The following CAMKMT variants were observed in gnomAD, a reference collection of about 807,000 sequenced individuals.
CAMKMT encodes CaM KMT.
Under a neutral mutation model 48.0 loss-of-function variants are expected in CAMKMT, and 53 were observed. The ratio of observed to expected loss-of-function variants is 1.10; its 90% CI spans 0.89 to 1.39. The LOEUF (loss-of-function observed/expected upper bound fraction) is 1.39. Among genes scored for constraint, CAMKMT ranks in the 40% most tolerant of loss-of-function variants. The pLI is 0.00. For missense variants in CAMKMT, 428 were observed against 402.7 expected (o/e 1.06, Z -0.54); for synonymous variants, 165 against 152.3 (o/e 1.08, Z -0.61).
chr2:44,390,021 A>T (rs1296689351), intron 2 of CAMKMT, among the ~76,000 whole-genome samples: 3 of 152,220 alleles, frequency 2.0e-5, no homozygotes, highest in African/African-American at 7.2e-5. Flanking sequence ...TAAGATGTAG[A>T]TTAATCATTT....
At chr2:44,581,914 G>T (rs372702989) in intron 3 of CAMKMT, among the ~76,000 whole-genome samples, 1 of 152,210 alleles carries the variant, frequency 6.6e-6, no homozygotes, top group Non-Finnish European at 1.5e-5. Flanking sequence ...CAGATGAATC[G>T]CTTGAACCAT....
intron 3 of CAMKMT, among the ~76,000 whole-genome samples, chr2:44,516,457 T>C (rs1212150951): frequency 1.3e-5 from 2 of 152,174 alleles, no homozygotes; most frequent in Admixed American, 1.3e-4. Flanking sequence ...TGAATATAAC[T>C]AAGGGAAGCT....
intron 7 of CAMKMT, among the ~76,000 whole-genome samples, chr2:44,736,524 T>C (rs1483425999): frequency 1.3e-5 from 2 of 152,194 alleles, no homozygotes; most frequent in Non-Finnish European, 2.9e-5. Context: ...TGTTTGGGCT[T>C]GTTGAAATTT....
At chr2:44,693,238 A>G (rs1451838624) in intron 3 of CAMKMT, among the ~76,000 whole-genome samples, 3 of 152,184 alleles carry the variant, frequency 2.0e-5, no homozygotes, top group African/African-American at 7.2e-5. Context: ...TCTAAACAGT[A>G]TTATAAATCT....
At chr2:44,386,809 T>C (rs1680822322) in intron 2 of CAMKMT, among the ~76,000 whole-genome samples, 1 of 152,164 alleles carries the variant, frequency 6.6e-6, no homozygotes, top group Non-Finnish European at 1.5e-5. Context: ...TTAATTTTCA[T>C]ATATTTGCAT....
At chr2:44,453,382 T>A (rs1370518809) in intron 3 of CAMKMT, among the ~76,000 whole-genome samples, 1 of 152,070 alleles carries the variant, frequency 6.6e-6, no homozygotes, top group Non-Finnish European at 1.5e-5. Flanking sequence ...ACCATCTCAT[T>A]TAAAATTAGC....
chr2:44,687,786 T>G (rs983268547), intron 3 of CAMKMT, among the ~76,000 whole-genome samples: 3 of 152,246 alleles, frequency 2.0e-5, no homozygotes, highest in African/African-American at 7.2e-5. Flanking sequence ...ATTGATGGGT[T>G]TTGCTGCTCT....
chr2:44,736,038 C>A (rs1679341484), intron 7 of CAMKMT, among the ~76,000 whole-genome samples: 1 of 152,168 alleles, frequency 6.6e-6, no homozygotes, highest in South Asian at 2.1e-4. Context: ...ACAATACTTG[C>A]TTGTTTAACC....
At chr2:44,666,257 A>G (rs1674960323) in intron 3 of CAMKMT, among the ~76,000 whole-genome samples, 1 of 152,258 alleles carries the variant, frequency 6.6e-6, no homozygotes, top group South Asian at 2.1e-4. Context: ...AATTTCAGAC[A>G]GTTTCATCAA....
chr2:44,656,312 C>T (rs1674374330), intron 3 of CAMKMT, among the ~76,000 whole-genome samples: 2 of 151,772 alleles, frequency 1.3e-5, no homozygotes, highest in African/African-American at 4.8e-5. Context: ...TAAGACAGTA[C>T]ATTTAAATCC....
chr2:44,414,803 A>G (rs532532725), intron 3 of CAMKMT, among the ~76,000 whole-genome samples: 1 of 152,336 alleles, frequency 6.6e-6, no homozygotes, highest in South Asian at 2.1e-4. Flanking sequence ...AAGTCTCCAA[A>G]GCTACACTTG....
At chr2:44,438,966 G>T (rs543982768) in intron 3 of CAMKMT, among the ~76,000 whole-genome samples, 3 of 152,142 alleles carry the variant, frequency 2.0e-5, no homozygotes, top group African/African-American at 7.2e-5. Context: ...TTTGGTAACC[G>T]CATAGTGTCC....
intron 3 of CAMKMT, among the ~76,000 whole-genome samples, chr2:44,484,459 A>G (rs1259330210): frequency 6.6e-6 from 1 of 152,080 alleles, no homozygotes; most frequent in East Asian, 1.9e-4. Flanking sequence ...CATAGGTAGC[A>G]CTGCAAAACA....
intron 3 of CAMKMT, among the ~76,000 whole-genome samples, chr2:44,648,887 C>T (rs766248730): frequency 3.3e-5 from 5 of 152,192 alleles, no homozygotes; most frequent in African/African-American, 4.8e-5. Context: ...GTGAACACAG[C>T]TTCCAGACAA....
At chr2:44,607,077 C>G (rs143865737) in intron 3 of CAMKMT, among the ~76,000 whole-genome samples, 3 of 152,300 alleles carry the variant, frequency 2.0e-5, no homozygotes, top group Non-Finnish European at 4.4e-5. Flanking sequence ...GTAGCAGTTC[C>G]TTTATGATCA....
intron 7 of CAMKMT, among the ~76,000 whole-genome samples, chr2:44,733,430 A>G (rs144625370): frequency 1.3e-5 from 2 of 152,230 alleles, no homozygotes; most frequent in East Asian, 3.9e-4. Flanking sequence ...CTAGAAGCTT[A>G]TTTTTGTATA....
rs567550967 is a variant in CAMKMT, at chr2:44,416,924, C to T, written c.376+26619C>T. On this transcript the variant is annotated intron_variant, in intron 3 of 10. Transcript: ENST00000378494. ...CATATTGTGGTGTGTATCTGTTGTT[C>T]GTTTCTTTATTTTTTTCACTTTTTT... is the stretch of plus-strand genomic sequence containing the variant. Among the ~76,000 whole-genome samples, 68 of 151,662 alleles carry T rather than the reference C, an allele frequency of 4.5e-4. 1 individual carries two copies. Among genetic ancestry groups the T allele is most frequent in the Non-Finnish European group, 1.3e-4 (9 of 67,928 alleles).
chr2:44,582,503 C>T (rs1669620825), intron 3 of CAMKMT, among the ~76,000 whole-genome samples: 1 of 152,148 alleles, frequency 6.6e-6, no homozygotes, highest in South Asian at 2.1e-4. Context: ...TTATAAAGGT[C>T]AGTGGTTACC....
chr2:44,526,806 C>A (rs890953225), intron 3 of CAMKMT, among the ~76,000 whole-genome samples: 2 of 152,062 alleles, frequency 1.3e-5, no homozygotes, highest in Non-Finnish European at 2.9e-5. Context: ...ATCTGGGAAT[C>A]CCTTAGTTTA....
Sources: allele counts gnomAD v4.1 joint callset (sites outside exome capture counted in the v4.1 genomes callset), GRCh38; gene constraint gnomAD v4.1.1; transcripts MANE v1.5; gene names NCBI Gene and HGNC (gene_info 2026-07-23, HGNC 2026-07-21).